The following PLB1 variants were observed in gnomAD, a reference collection of about 807,000 sequenced individuals.
PLB1 encodes the protein phospholipase B1, membrane-associated.
PLB1 carries 242 observed loss-of-function variants against 227.4 expected under a neutral mutation model. The ratio of observed to expected loss-of-function variants is 1.06; its 90% CI spans 0.96 to 1.18. The LOEUF is 1.18. Among genes scored for constraint, PLB1 ranks in the 50% most tolerant of loss-of-function variants. The pLI, the probability that PLB1 is intolerant of heterozygous loss-of-function variation, is 0.00. For missense variants in PLB1, 1,858 were observed against 1,816.3 expected, an observed-to-expected ratio of 1.02 and a Z score of -0.42; for synonymous variants, 757 against 682.2, an observed-to-expected ratio of 1.11 and a Z score of -1.71.
rs1376758605 is a variant in PLB1 at position 28,606,582 on chromosome 2, C to G, written c.3129+15C>G. 1 of 1,611,758 alleles carries G rather than the reference C, an allele frequency of 6.2e-7. No individual in the cohort carries two copies. Among genetic ancestry groups the G allele is most frequent in the Admixed American group, 1.7e-5 (1 of 60,006 alleles). On this transcript the variant is annotated intron_variant, in intron 43 of 57. Transcript: ENST00000327757. ...GTCCCACTCAGGTAGTAGGGGAGGACCTGCCTGGCTCCTCTCCACAAACCA... is the reference window on the plus strand; with the variant it reads ...GTCCCACTCAGGTAGTAGGGGAGGAGCTGCCTGGCTCCTCTCCACAAACCA...
chr2:28,574,877 A>G (rs1486575581), intron 21 of PLB1, among the ~76,000 whole-genome samples: 2 of 152,200 alleles, frequency 1.3e-5, no homozygotes, highest in South Asian at 4.1e-4. Flanking sequence ...GTAGTATTCC[A>G]TGGTGTATAT....
At position 28,507,183 on chromosome 2, in the gene PLB1, C is replaced by A. The variant is rs560600305; in HGVS notation, c.56-9625C>A. On this transcript the variant is annotated intron_variant, in intron 1 of 57. Coordinates refer to ENST00000327757, the MANE Select transcript of PLB1 (RefSeq NM_153021.5). ...CTGCCATCGTCAAGGTCTGCTTGTTCGTCTTCACCATGGGACTGTCTTCTA... is the reference window on the plus strand; with the variant it reads ...CTGCCATCGTCAAGGTCTGCTTGTTAGTCTTCACCATGGGACTGTCTTCTA... Among the ~76,000 whole-genome samples the A allele has an allele frequency of 5.6e-4, 85 of 152,312 alleles. 1 individual carries two copies. In the South Asian group the frequency reaches 0.017, roughly 31 times the overall value.
chr2:28,584,752 G>A lies in PLB1; in HGVS notation c.1734-1009G>A, dbSNP rs534946496. The stretch of plus-strand genomic sequence containing the variant: ...GCTGAGTCTACACGGAGCCATCCCT[G>A]CTGTTATCACCTCATCCCCCTGGAC... On this transcript the variant is annotated intron_variant, in intron 25 of 57. Coordinates refer to ENST00000327757, the MANE Select transcript of PLB1 (RefSeq NM_153021.5). 7.2e-5 allele frequency among the ~76,000 whole-genome samples: 11 copies of A among 152,322 alleles called. No homozygotes were observed. In the South Asian group the frequency reaches 2.3e-3, roughly 32 times the overall value.
intron 54 of PLB1, 112 bp from the exon 55 acceptor site, chr2:28,631,924 T>C (rs923025949): frequency 1.6e-5 from 13 of 826,272 alleles, no homozygotes; most frequent in Non-Finnish European, 2.7e-5. Flanking sequence ...TTAAAGTCAC[T>C]GTCCTTTAGG....
chr2:28,624,482 A>G (rs1405898469), intron 49 of PLB1, among the ~76,000 whole-genome samples: 2 of 152,156 alleles, frequency 1.3e-5, no homozygotes, highest in Admixed American at 1.3e-4. Context: ...GGCAGACATC[A>G]GGGGATGAAG....
At chr2:28,637,356 TATCCCC>T (rs528165224) in intron 56 of PLB1, among the ~76,000 whole-genome samples, 100 of 151,972 alleles carry the variant, frequency 6.6e-4, no homozygotes, top group African/African-American at 2.4e-3. Context: ...TGACCGGGCT[TATCCCC>T]AGAGAGTCTG....
chr2:28,578,235 T>C, intron 22 of PLB1, 77 bp downstream of exon 22: 2 of 1,456,266 alleles, frequency 1.4e-6, no homozygotes, highest in Non-Finnish European at 1.9e-6. Flanking sequence ...GAGGGATGGT[T>C]GGGAGCCCGG....
intron 13 of PLB1, 26 bp from the exon 14 acceptor site, chr2:28,543,186 C>G: frequency 6.3e-7 from 1 of 1,595,248 alleles, no homozygotes; most frequent in Non-Finnish European, 8.5e-7. Flanking sequence ...GACAAAAGGT[C>G]CCGCTGTCAA....
chr2:28,640,004 G>A (rs921244819), intron 56 of PLB1, among the ~76,000 whole-genome samples: 3 of 152,186 alleles, frequency 2.0e-5, no homozygotes, highest in Non-Finnish European at 4.4e-5. Flanking sequence ...ATCTCTCCCA[G>A]GAACAGAACT....
At chr2:28,526,717 C>T (rs1039287370) in intron 6 of PLB1, among the ~76,000 whole-genome samples, 5 of 152,164 alleles carry the variant, frequency 3.3e-5, no homozygotes, top group Non-Finnish European at 7.3e-5. Context: ...GATTACAATG[C>T]AAGTGCTCTG....
chr2:28,525,862 C>A (rs779640999), intron 5 of PLB1, 43 bp from the exon 6 acceptor site: 1 of 1,610,494 alleles, frequency 6.2e-7, no homozygotes, highest in Admixed American at 1.7e-5. Flanking sequence ...TGGCAGGTGA[C>A]ACAAATGCAG....
chr2:28,550,992 C>A (rs1345310591), intron 16 of PLB1, among the ~76,000 whole-genome samples: 1 of 152,178 alleles, frequency 6.6e-6, no homozygotes, highest in Non-Finnish European at 1.5e-5. Context: ...CAGGTCTCCC[C>A]CACAGTTCAT....
At position 28,620,973 on chromosome 2, in the gene PLB1, A is replaced by G; in HGVS notation, c.3522A>G (p.Arg1174=). 2 of 1,610,674 alleles carry G rather than the reference A, an allele frequency of 1.2e-6. No homozygotes were observed. The highest frequency in any genetic ancestry group is 2.2e-5 in the South Asian group (2 of 90,742). ...AGLNVAAEGA[R]ARDMPAQAWD... ...TAAATGTGGCAGCGGAAGGGGCCAGAGCTAGGTGAGTAGATGCCGTACAGG... is the reference window on the plus strand; with the variant it reads ...TAAATGTGGCAGCGGAAGGGGCCAGGGCTAGGTGAGTAGATGCCGTACAGG... The change falls in exon 49 of 58, where the codon AGA becomes AGG. Residue 1174 remains arginine, a synonymous_variant. Coordinates refer to ENST00000327757, the MANE Select transcript of PLB1 (RefSeq NM_153021.5).
rs553739794 is a variant in PLB1, at chr2:28,628,527, C to T, written c.3661-36C>T. On this transcript the variant is annotated intron_variant, in intron 51 of 57. Coordinates refer to ENST00000327757, the MANE Select transcript of PLB1 (RefSeq NM_153021.5). ...TCTTGCCATTCTCTCAGAGCGGGCACCAGGGGCTAAAGAGAGTACCCTTTT... is the reference window on the plus strand; with the variant it reads ...TCTTGCCATTCTCTCAGAGCGGGCATCAGGGGCTAAAGAGAGTACCCTTTT... 12 of 1,601,706 alleles carry T rather than the reference C, an allele frequency of 7.5e-6. No individual in the cohort carries two copies. In the African/African-American group the frequency reaches 9.4e-5, roughly 12 times the overall value.
chr2:28,528,118 A>C (rs1489446366), intron 6 of PLB1, among the ~76,000 whole-genome samples: 1 of 152,210 alleles, frequency 6.6e-6, no homozygotes, highest in East Asian at 1.9e-4. Context: ...AGGCTGCCCA[A>C]GGTTGCAAAG....
intron 8 of PLB1, among the ~76,000 whole-genome samples, chr2:28,530,281 A>G (rs1308639535): frequency 6.6e-6 from 1 of 152,138 alleles, no homozygotes; most frequent in Non-Finnish European, 1.5e-5. Context: ...GACTGGTTTG[A>G]GTTTGAATCT....
At chr2:28,606,919 A>G (rs7581280) in intron 43 of PLB1, among the ~76,000 whole-genome samples, 18,105 of 152,138 alleles carry the variant, frequency 0.12, 1,264 homozygotes, top group African/African-American at 0.18. Flanking sequence ...AGATGAAAAA[A>G]TCTGACTGCA....
At chr2:28,636,302 G>A (rs1689354054) in intron 56 of PLB1, among the ~76,000 whole-genome samples, 1 of 152,186 alleles carries the variant, frequency 6.6e-6, no homozygotes, top group Non-Finnish European at 1.5e-5. Flanking sequence ...GACCTCAGGA[G>A]ATCCACCCAC....
chr2:28,635,359 G>A (rs2148346660), intron 56 of PLB1, among the ~76,000 whole-genome samples: 1 of 152,304 alleles, frequency 6.6e-6, no homozygotes, highest in South Asian at 2.1e-4. Flanking sequence ...CAGACTGAGA[G>A]GTCATCTAGC....
Sources: gnomAD v4.1 joint callset for allele counts (sites outside exome capture counted in the v4.1 genomes callset) on GRCh38, gnomAD v4.1.1 for gene constraint, MANE v1.5 for transcripts, NCBI Gene and HGNC (gene_info 2026-07-23, HGNC 2026-07-21) for gene names.